The following CCNJ variants were observed in gnomAD, a reference collection of about 807,000 sequenced individuals.
CCNJ encodes the protein cyclin-J.
CCNJ carries 12 observed loss-of-function variants against 41.4 expected under a neutral mutation model. The ratio of observed to expected loss-of-function variants is 0.29; its 90% CI spans 0.19 to 0.47. The LOEUF is 0.47. Ranked by LOEUF, CCNJ falls within the 20% of genes least tolerant of loss-of-function variation. CCNJ has a pLI of 1.00. For missense variants in CCNJ, 340 were observed against 464.6 expected (o/e 0.73, Z 2.47); for synonymous variants, 161 against 173.4 (o/e 0.93, Z 0.56).
At chr10:96,044,230 T>G in intron 1 of CCNJ, 123 bp from the exon 2 acceptor site, 1 of 451,296 alleles carries the variant, frequency 2.2e-6, no homozygotes, top group Non-Finnish European at 3.8e-6. Context: ...CGGGCTGGGT[T>G]GAGGAAGAGT....
chr10:96,045,440 G>A (rs2142024000), intron 2 of CCNJ, among the ~76,000 whole-genome samples: 1 of 152,336 alleles, frequency 6.6e-6, no homozygotes, highest in African/African-American at 2.4e-5. Flanking sequence ...TTGAGTTTCT[G>A]ACCAGGTCAA....
chr10:96,045,108 A>G (rs1052557066), intron 2 of CCNJ, among the ~76,000 whole-genome samples: 23 of 152,216 alleles, frequency 1.5e-4, no homozygotes, highest in African/African-American at 4.8e-5. Context: ...CTTCCTGCTG[A>G]TATCAAAGGC....
chr10:96,045,768 G>C (rs572405500), intron 2 of CCNJ, among the ~76,000 whole-genome samples: 90 of 151,884 alleles, frequency 5.9e-4, no homozygotes, highest in Non-Finnish European at 9.1e-4. Flanking sequence ...ATTTTGAAAA[G>C]TGTTTTAAGT....
rs1238315470 is a variant in CCNJ, at chr10:96,058,531, G to A, written c.*290G>A. On this transcript the variant is annotated 3_prime_UTR_variant, in exon 6 of 6. Coordinates refer to ENST00000465148, the MANE Select transcript of CCNJ (RefSeq NM_001134375.2). ...AAATATTCAGTACAACAGAAAATTT[G>A]GACAGACTTCAATTTGCCATTTTGA... 1.9e-5 allele frequency: 9 copies of A among 466,522 alleles called. No individual in the cohort carries two copies. The highest frequency in any genetic ancestry group is 3.4e-5 in the Non-Finnish European group (9 of 264,974). The allele number at this position is 466,522 out of a possible 1,614,324, so 28.9% of individuals were successfully genotyped here. A position where few individuals can be genotyped will look rare whatever the true frequency, so the allele number is the denominator to read the frequency against.
rs753147799 is a variant in CCNJ at position 96,044,360 on chromosome 10, T to G, written c.-34T>G. ...CTGGGGTGTGTCTTACAGACTCGAG[T>G]TGCCGCGTCGGGCTGGGCGCGCCGC... On this transcript the variant is annotated 5_prime_UTR_variant, in exon 2 of 6. Transcript: ENST00000465148. 1.3e-6 allele frequency: 2 copies of G among 1,495,586 alleles called. No homozygotes were observed. The highest frequency in any genetic ancestry group is 4.2e-5 in the Admixed American group (2 of 48,090). 92.6% of individuals were successfully genotyped at this position (1,495,586 alleles called of 1,614,324 possible). A position where few individuals can be genotyped will look rare whatever the true frequency, so the allele number is the denominator to read the frequency against.
chr10:96,049,142 T>C (rs920345715), intron 2 of CCNJ, among the ~76,000 whole-genome samples: 2 of 152,208 alleles, frequency 1.3e-5, no homozygotes, highest in African/African-American at 2.4e-5. Context: ...CAACTAGGTG[T>C]GAAGTGCTGT....
chr10:96,053,407 T>C (rs140777896), intron 3 of CCNJ, among the ~76,000 whole-genome samples: 1 of 152,322 alleles, frequency 6.6e-6, no homozygotes, highest in African/African-American at 2.4e-5. Context: ...ATTAAAAGAT[T>C]AGCATGGTAA....
At chr10:96,051,331 T>G (rs2080517691) in intron 3 of CCNJ, among the ~76,000 whole-genome samples, 2 of 151,654 alleles carry the variant, frequency 1.3e-5, no homozygotes, top group South Asian at 4.1e-4. Context: ...GAAATTGTGT[T>G]TTTTTTTCTT....
At position 96,046,631 on chromosome 10, in the gene CCNJ, T is replaced by C. The variant is rs117821678; in HGVS notation, c.69+2169T>C. Among the ~76,000 whole-genome samples the C allele has an allele frequency of 5.3e-3, 801 of 152,328 alleles. 5 individuals carry two copies. The highest frequency in any genetic ancestry group is 8.2e-3 in the Non-Finnish European group (561 of 68,008). On this transcript the variant is annotated intron_variant, in intron 2 of 5. Coordinates refer to ENST00000465148, the MANE Select transcript of CCNJ (RefSeq NM_001134375.2). ...CACATTTAGGTCTTCCTTTGGGCAG[T>C]TGCCATTGAGATACTGCAGAAGGTA...
rs1192941725 is a variant in CCNJ at position 96,058,684 on chromosome 10, GT to G, written c.*451del. On this transcript the variant is annotated 3_prime_UTR_variant, in exon 6 of 6. Coordinates refer to ENST00000465148, the MANE Select transcript of CCNJ (RefSeq NM_001134375.2). ...AGTTACAGTATTAATTTTTGAAAAG[GT>G]TTTTTTTATTCTGCAATTTTTTATT... The G allele has an allele frequency of 6.3e-5, 25 of 396,694 alleles. 1 individual carries two copies. The South Asian group carries it at 2.3e-3, about 36-fold the overall frequency. The allele number at this position is 396,694 out of a possible 1,614,324, so 24.6% of individuals were successfully genotyped here.
chr10:96,056,153 C>CA (rs1199061597), intron 3 of CCNJ, among the ~76,000 whole-genome samples: 8 of 152,026 alleles, frequency 5.3e-5, no homozygotes, highest in Admixed American at 4.6e-4. Context: ...ACTAAAAATA[C>CA]AAAAAATTAG....
chr10:96,057,210 T>A lies in CCNJ; in HGVS notation c.703T>A (p.Trp235Arg). ...ACTACATCGTCTTACTGCCTACTCT[T>A]GGGATTTCTTAGTGCAGTGTATTGA... ...TRLHRLTAYS[W>R]DFLVQCIERL... The change falls in exon 5 of 6, where the codon TGG becomes AGG. Residue 235 changes from tryptophan to arginine, a missense_variant. Transcript: ENST00000465148. 1.2e-6 allele frequency: 2 copies of A among 1,614,102 alleles called. No homozygotes were observed. The highest frequency in any genetic ancestry group is 1.7e-6 in the Non-Finnish European group (2 of 1,179,912).
intron 5 of CCNJ, 124 bp downstream of exon 5, chr10:96,057,371 C>A: frequency 1.3e-6 from 1 of 786,866 alleles, no homozygotes; most frequent in East Asian, 2.4e-5. Context: ...GCAGCAGTTA[C>A]TTGCTGCCAT....
chr10:96,057,336 A>G (rs2080721486), intron 5 of CCNJ, 89 bp downstream of exon 5: 3 of 1,120,516 alleles, frequency 2.7e-6, no homozygotes, highest in South Asian at 1.4e-5. Context: ...TGAAAGGCAC[A>G]GAGTTCCTAG....
intron 2 of CCNJ, 101 bp from the exon 3 acceptor site, chr10:96,050,155 C>T: frequency 1.3e-6 from 1 of 783,318 alleles, no homozygotes; most frequent in Middle Eastern, 3.7e-4. Context: ...ATGTTTTAGG[C>T]ACTTGTAATA....
At chr10:96,043,436 G>C (rs1028278316), upstream of CCNJ, 1 of 377,128 alleles carries the variant, frequency 2.7e-6, no homozygotes, top group African/African-American at 2.1e-5. Flanking sequence ...CCGCCGCGCC[G>C]CCGCCTGGCG....
Position 96,060,470 on chromosome 10 carries a change from C to G in CCNJ, c.*2229C>G, listed in dbSNP as rs763179582. The G allele has an allele frequency of 2.0e-5, 3 of 152,544 alleles. No individual in the cohort carries two copies. The highest frequency in any genetic ancestry group is 4.4e-5 in the Non-Finnish European group (3 of 68,006). The allele number at this position is 152,544 out of a possible 1,614,324, so 9.4% of individuals were successfully genotyped here. On this transcript the variant is annotated 3_prime_UTR_variant, in exon 6 of 6. Transcript: ENST00000465148. ...ATAAAATAATTGATTACTATTGCTGCATACCCGGGGTGGGATGGGGTGGTT... is the reference window on the plus strand; with the variant it reads ...ATAAAATAATTGATTACTATTGCTGGATACCCGGGGTGGGATGGGGTGGTT...
intron 2 of CCNJ, 62 bp from the exon 3 acceptor site, chr10:96,050,194 C>T: frequency 9.4e-7 from 1 of 1,065,116 alleles, no homozygotes; most frequent in Admixed American, 1.7e-5. Flanking sequence ...AATGTTAAGT[C>T]ATTGCCTTGT....
At chr10:96,052,916 A>G (rs2080569811) in intron 3 of CCNJ, among the ~76,000 whole-genome samples, 2 of 152,364 alleles carry the variant, frequency 1.3e-5, no homozygotes, top group East Asian at 3.9e-4. Flanking sequence ...TATCAGCTCT[A>G]CACCAGGGTC....
Sources: allele counts gnomAD v4.1 joint callset (sites outside exome capture counted in the v4.1 genomes callset), GRCh38; gene constraint gnomAD v4.1.1; transcripts MANE v1.5; gene names NCBI Gene and HGNC (gene_info 2026-07-23, HGNC 2026-07-21).